C1orf185: variants seen among roughly 807,000 people sequenced by gnomAD.
C1orf185 encodes uncharacterized protein C1orf185.
In C1orf185, 13 loss-of-function variants were observed where a neutral mutation model predicts 16.1. That is an observed-to-expected ratio of 0.81 (90% CI 0.53 to 1.28). The LOEUF is 1.28. Ranked by LOEUF, C1orf185 falls within the 50% of genes most tolerant of loss-of-function variation. The pLI, the probability that C1orf185 is intolerant of heterozygous loss-of-function variation, is 0.00. For synonymous variants in C1orf185, 80 were observed against 76.9 expected, an observed-to-expected ratio of 1.04 and a Z score of -0.21; for missense variants, 220 against 225.2, an observed-to-expected ratio of 0.98 and a Z score of 0.15.
chr1:51,103,881 G>T (rs557002428), intron 1 of C1orf185, among the ~76,000 whole-genome samples: 1 of 152,080 alleles, frequency 6.6e-6, no homozygotes, highest in African/African-American at 2.4e-5. Context: ...ATTGCTTGCT[G>T]TAATTCTGTG....
At chr1:51,125,469 A>G (rs988964359) in intron 3 of C1orf185, among the ~76,000 whole-genome samples, 4 of 152,076 alleles carry the variant, frequency 2.6e-5, no homozygotes, top group Non-Finnish European at 5.9e-5. Flanking sequence ...GCAATACTTT[A>G]TTTCTATATT....
intron 4 of C1orf185, among the ~76,000 whole-genome samples, chr1:51,146,755 C>T (rs1413542289): frequency 6.6e-6 from 1 of 151,808 alleles, no homozygotes; most frequent in African/African-American, 2.4e-5. Flanking sequence ...TAGTAACTAC[C>T]TTGAAGAATT....
At chr1:51,113,057 G>A (rs890114267) in intron 2 of C1orf185, among the ~76,000 whole-genome samples, 2 of 151,610 alleles carry the variant, frequency 1.3e-5, no homozygotes, top group East Asian at 3.9e-4. Context: ...GACCTCAGAC[G>A]ATCCGCCCGC....
At chr1:51,120,855 T>A (rs543786778) in intron 3 of C1orf185, among the ~76,000 whole-genome samples, 2 of 152,310 alleles carry the variant, frequency 1.3e-5, no homozygotes, top group Admixed American at 6.5e-5. Context: ...ATTAGGTCAC[T>A]GGGAATTTGG....
At chr1:51,146,587 A>G (rs1339531001) in intron 4 of C1orf185, among the ~76,000 whole-genome samples, 2 of 152,148 alleles carry the variant, frequency 1.3e-5, no homozygotes, top group African/African-American at 4.8e-5. Flanking sequence ...ATTTTCTAAA[A>G]CAGCATATTT....
chr1:51,118,494 T>C (rs1437039900), intron 2 of C1orf185, among the ~76,000 whole-genome samples, 172 bp from the exon 3 acceptor site: 5 of 152,210 alleles, frequency 3.3e-5, no homozygotes, highest in Non-Finnish European at 5.9e-5. Context: ...TGTAATGAAA[T>C]CTAACATATG....
chr1:51,112,565 C>T lies in C1orf185; in HGVS notation c.118C>T (p.Arg40Ter), dbSNP rs200512447. 9.2e-5 allele frequency: 142 copies of T among 1,543,018 alleles called. No homozygotes were observed. The highest frequency in any genetic ancestry group is 9.5e-5 in the Non-Finnish European group (109 of 1,142,680). ...AGCTTTGTGGTTCCTGATTTGCAAA[C>T]GAAGGTAAGGATTATTCGAATATTT... ...ASALWFLICKRREIFQNSKFK... is the reference protein window; with the variant it reads ...ASALWFLICK Residue 40 changes from arginine (R) to a stop codon, truncating the protein, a stop_gained, in exon 2 of 5, where the codon CGA becomes TGA. Transcript: ENST00000371759. LOFTEE classifies it high-confidence loss of function.
intron 1 of C1orf185, among the ~76,000 whole-genome samples, chr1:51,108,738 G>A (rs79837844): frequency 0.012 from 1,825 of 152,166 alleles, 26 homozygotes; most frequent in African/African-American, 0.041. Flanking sequence ...CCATGTTGCT[G>A]CAAATGTTTC....
chr1:51,112,542 C>T lies in C1orf185; in HGVS notation c.95C>T (p.Ala32Val). The T allele has an allele frequency of 6.5e-7, 1 of 1,549,788 alleles. No homozygotes were observed. Among genetic ancestry groups the T allele is most frequent in the Non-Finnish European group, 8.7e-7 (1 of 1,146,306 alleles). Residue 32 changes from alanine (A) to valine (V), a missense_variant, in exon 2 of 5, where the codon GCT becomes GTT. Coordinates refer to ENST00000371759, the MANE Select transcript of C1orf185 (RefSeq NM_001136508.2). Reference protein sequence around the residue: ...LGIGFFALASALWFLICKRRE... With the variant: ...LGIGFFALASVLWFLICKRRE... ...ATTGGTTTCTTTGCTTTGGCATCAG[C>T]TTTGTGGTTCCTGATTTGCAAACGA...
chr1:51,105,762 G>A (rs932293742), intron 1 of C1orf185, among the ~76,000 whole-genome samples: 3 of 152,128 alleles, frequency 2.0e-5, no homozygotes, highest in African/African-American at 7.2e-5. Flanking sequence ...AGTCAAAAAA[G>A]TAAAAATACT....
intron 3 of C1orf185, among the ~76,000 whole-genome samples, chr1:51,128,969 C>G (rs183702200): frequency 8.6e-5 from 13 of 151,980 alleles, no homozygotes; most frequent in African/African-American, 2.7e-4. Context: ...ACTGCAACAT[C>G]TGCCTTCCTG....
chr1:51,135,008 A>G (rs1646312879), intron 3 of C1orf185, among the ~76,000 whole-genome samples: 1 of 152,210 alleles, frequency 6.6e-6, no homozygotes, highest in South Asian at 2.1e-4. Context: ...TGAGGCCAGC[A>G]TCATCCTGAT....
intron 4 of C1orf185, 34 bp downstream of exon 4, chr1:51,145,794 T>A (rs1197350976): frequency 8.0e-6 from 9 of 1,129,586 alleles, no homozygotes; most frequent in Non-Finnish European, 1.1e-5. Context: ...AGAAGAAATC[T>A]TAATGAACTT....
chr1:51,128,395 T>C (rs955337034), intron 3 of C1orf185, among the ~76,000 whole-genome samples: 1 of 152,106 alleles, frequency 6.6e-6, no homozygotes, highest in African/African-American at 2.4e-5. Context: ...ATTTTAGCTA[T>C]TTTAGTGGGT....
At chr1:51,123,512 A>G (rs888325867) in intron 3 of C1orf185, among the ~76,000 whole-genome samples, 13 of 152,214 alleles carry the variant, frequency 8.5e-5, no homozygotes, top group Non-Finnish European at 8.8e-5. Context: ...TAAATTTTCA[A>G]CTTATTTGCA....
intron 1 of C1orf185, among the ~76,000 whole-genome samples, chr1:51,103,450 A>ACACACACACACACAC (rs756442424): frequency 5.8e-5 from 3 of 51,830 alleles, no homozygotes; most frequent in African/African-American, 1.6e-4. Flanking sequence ...CACACACACA[A>ACACACACACACACAC]AAACCACGAA....
intron 2 of C1orf185, among the ~76,000 whole-genome samples, chr1:51,116,724 C>G (rs1024131461): frequency 6.6e-6 from 1 of 152,096 alleles, no homozygotes; most frequent in African/African-American, 2.4e-5. Context: ...CACATATTCC[C>G]CAATCTCATC....
At chr1:51,127,654 T>C (rs1646251656) in intron 3 of C1orf185, among the ~76,000 whole-genome samples, 1 of 152,062 alleles carries the variant, frequency 6.6e-6, no homozygotes, top group Non-Finnish European at 1.5e-5. Flanking sequence ...AATTATATCT[T>C]TTATGTCTGA....
chr1:51,106,918 C>T (rs893596252), intron 1 of C1orf185, among the ~76,000 whole-genome samples: 1 of 152,042 alleles, frequency 6.6e-6, no homozygotes, highest in Non-Finnish European at 1.5e-5. Flanking sequence ...CCACCATGCT[C>T]AGCTAATTTT....
Sources: gnomAD v4.1 joint callset for allele counts (sites outside exome capture counted in the v4.1 genomes callset) on GRCh38, gnomAD v4.1.1 for gene constraint, MANE v1.5 for transcripts, NCBI Gene and HGNC (gene_info 2026-07-23, HGNC 2026-07-21) for gene names.